The following ANK2 variants were observed in gnomAD, a reference collection of about 807,000 sequenced individuals.
ANK2 encodes the protein ankyrin-2.
In ANK2, 83 loss-of-function variants were observed where a neutral mutation model predicts 360.5. The ratio of observed to expected loss-of-function variants is 0.23; its 90% confidence interval spans 0.19 to 0.28. The LOEUF (loss-of-function observed/expected upper bound fraction) is 0.28. Ranked by LOEUF, ANK2 falls within the 10% of genes least tolerant of loss-of-function variation. The pLI is 1.00. For synonymous variants in ANK2, 1,740 were observed against 1,759.5 expected (o/e 0.99, Z 0.28); for missense variants, 4,201 against 4,795.7 (o/e 0.88, Z 3.66).
the ANK2 span, among the ~76,000 whole-genome samples, chr4:112,733,255 CTG>C: frequency 1.3e-5 from 2 of 151,948 alleles, no homozygotes; most frequent in Admixed American, 6.6e-5. Flanking sequence ...ATAAATAACA[CTG>C]TTATTTATAT....
chr4:113,142,156 C>T (rs2096654953), intron 1 of ANK2, among the ~76,000 whole-genome samples: 4 of 152,122 alleles, frequency 2.6e-5, no homozygotes, highest in South Asian at 4.1e-4. Context: ...ACAGAGATCC[C>T]GACTGTCTAC....
chr4:113,091,627 G>C (rs1414786703), intron 1 of ANK2, among the ~76,000 whole-genome samples: 1 of 152,198 alleles, frequency 6.6e-6, no homozygotes, highest in Non-Finnish European at 1.5e-5. Flanking sequence ...AGTAGCTAAC[G>C]TTATGCAGTG....
upstream of ANK2, among the ~76,000 whole-genome samples, chr4:113,047,713 T>C (rs1579971389): frequency 2.0e-5 from 3 of 152,176 alleles, no homozygotes; most frequent in Middle Eastern, 0.01. Context: ...CTCTTTGGCC[T>C]GGCTGTGTGA....
intron 2 of ANK2, among the ~76,000 whole-genome samples, chr4:113,042,427 T>A (rs2063196313): frequency 6.6e-6 from 1 of 152,152 alleles, no homozygotes; most frequent in South Asian, 2.1e-4. Context: ...AATCCCCTCA[T>A]CTATTTATCG....
At chr4:112,983,564 A>G (rs2043836763) in intron 2 of ANK2, among the ~76,000 whole-genome samples, 1 of 151,752 alleles carries the variant, frequency 6.6e-6, no homozygotes, top group African/African-American at 2.4e-5. Context: ...AATTCCAGCT[A>G]CTCGTGAGGC....
rs2094801196 is a variant in ANK2, at chr4:113,345,951, C to T, written c.4300C>T (p.Pro1434Ser). 6.2e-7 allele frequency: 1 copy of T among 1,613,478 alleles called. No homozygotes were observed. Among genetic ancestry groups the T allele is most frequent in the Non-Finnish European group, 8.5e-7 (1 of 1,179,676 alleles). ...CGGACGACTATCATTTATGAAGGAG[C>T]CAAAATCCACGAGAGGCCTGGTGCA... is the stretch of plus-strand genomic sequence containing the variant. ...PCGRLSFMKE[P>S]KSTRGLVHQA... The change falls in exon 35 of 46, where the codon CCA becomes TCA. Residue 1434 changes from proline to serine, a missense_variant. This residue lies in a region of ANK2 where 1,268 missense variants were observed against 1,650.8 expected (regional missense o/e 0.77). Coordinates refer to ENST00000357077, the MANE Select transcript of ANK2 (RefSeq NM_001148.6).
At chr4:113,269,509 C>T (rs545100270) in intron 14 of ANK2, among the ~76,000 whole-genome samples, 17 of 152,362 alleles carry the variant, frequency 1.1e-4, no homozygotes, top group African/African-American at 4.1e-4. Context: ...TCCCTCACGG[C>T]TTCCCTTGCC....
At chr4:113,374,630 C>A in intron 45 of ANK2, 1 of 403,514 alleles carries the variant, frequency 2.5e-6, no homozygotes, top group Non-Finnish European at 3.5e-6. Context: ...TCTAACTCTG[C>A]TTCCCATTGC....
In ANK2 at chr4:113,209,256, G is replaced by A. The variant is rs140979135; in HGVS notation, c.384+10147G>A. On this transcript the variant is annotated intron_variant, in intron 4 of 45. Transcript: ENST00000357077. The stretch of plus-strand genomic sequence containing the variant: ...CTATATAGATGAAACCTCACCAGTA[G>A]TAGTAGCCCTTGGAGAAAATAGATG... Among the ~76,000 whole-genome samples, 446 of 152,082 alleles carry A rather than the reference G, an allele frequency of 2.9e-3. 18 individuals are homozygous for A. The highest frequency in any genetic ancestry group is 0.01 in the African/African-American group (418 of 41,364).
chr4:112,902,599 G>A (rs1403083032), intron 1 of ANK2, among the ~76,000 whole-genome samples: 30 of 152,184 alleles, frequency 2.0e-4, no homozygotes. Flanking sequence ...TCTTATGAAT[G>A]CTTAAATGTT....
intron 24 of ANK2, chr4:113,313,734 A>G (rs1362983076): frequency 8.5e-6 from 1 of 117,520 alleles, no homozygotes; most frequent in East Asian, 2.8e-4. Flanking sequence ...CCCTTCCTAG[A>G]TTTATCCACA....
chr4:112,982,629 A>C (rs946955099), intron 2 of ANK2, among the ~76,000 whole-genome samples: 3 of 152,208 alleles, frequency 2.0e-5, no homozygotes, highest in East Asian at 3.8e-4. Flanking sequence ...GAAGAGAGCT[A>C]ACAAGAGATT....
intron 1 of ANK2, among the ~76,000 whole-genome samples, chr4:112,850,278 A>G (rs1216401411): frequency 8.0e-6 from 1 of 124,550 alleles, no homozygotes; most frequent in East Asian, 2.1e-4. Context: ...CTATCTATCT[A>G]TCTATCTATC....
chr4:112,950,513 A>G (rs1336937860), intron 2 of ANK2, among the ~76,000 whole-genome samples: 2 of 151,596 alleles, frequency 1.3e-5, no homozygotes, highest in Non-Finnish European at 2.9e-5. Flanking sequence ...GCATGGTGGC[A>G]TGCACCTGTA....
intron 1 of ANK2, among the ~76,000 whole-genome samples, chr4:112,841,560 A>G (rs939788993): frequency 3.3e-5 from 5 of 152,176 alleles, no homozygotes; most frequent in Admixed American, 2.0e-4. Context: ...GGACTGTGAG[A>G]TGGTTCTCTC....
At chr4:113,227,794 G>A (rs1447422745) in intron 4 of ANK2, among the ~76,000 whole-genome samples, 1 of 152,118 alleles carries the variant, frequency 6.6e-6, no homozygotes, top group African/African-American at 2.4e-5. Context: ...GTTTGAATGA[G>A]GATAATAGTA....
intron 1 of ANK2, among the ~76,000 whole-genome samples, chr4:113,108,119 AT>A (rs1197353236): frequency 6.6e-6 from 1 of 152,176 alleles, no homozygotes; most frequent in Non-Finnish European, 1.5e-5. Flanking sequence ...AGTTTCCAGA[AT>A]TTGGGGTTTA....
chr4:112,752,453 A>G, the ANK2 span, among the ~76,000 whole-genome samples: 1 of 151,946 alleles, frequency 6.6e-6, no homozygotes, highest in Admixed American at 6.6e-5. Flanking sequence ...TCTCTGTCTC[A>G]CTGGCTGGAG....
the ANK2 span, among the ~76,000 whole-genome samples, chr4:112,757,203 C>G: frequency 6.3e-4 from 94 of 150,248 alleles, no homozygotes; most frequent in African/African-American, 2.1e-3. Context: ...ACCTCCGCTT[C>G]CCGGGTTTGA....
Sources: gnomAD v4.1 joint callset for allele counts (sites outside exome capture counted in the v4.1 genomes callset) on GRCh38, gnomAD v4.1.1 for gene constraint, gnomAD v4.1.1 regional missense constraint, MANE v1.5 for transcripts, NCBI Gene and HGNC (gene_info 2026-07-23, HGNC 2026-07-21) for gene names.